Variants in SLCO4C1 observed in about 807,000 individuals in gnomAD.
SLCO4C1 encodes the protein organic anion transporter M1.
SLCO4C1 carries 58 observed loss-of-function variants against 72.1 expected under a neutral mutation model. The observed-to-expected ratio is 0.80, with a 90% CI of 0.65 to 1.00. The LOEUF is 1.00. Ranked by LOEUF, SLCO4C1 falls within the 50% of genes least tolerant of loss-of-function variation. SLCO4C1 has a pLI of 0.00. For synonymous variants in SLCO4C1, 297 were observed against 312.5 expected, an observed-to-expected ratio of 0.95 and a Z score of 0.52; for missense variants, 898 against 857.9, an observed-to-expected ratio of 1.05 and a Z score of -0.58.
At chr5:102,265,708 T>C (rs1749024612) in intron 3 of SLCO4C1, among the ~76,000 whole-genome samples, 5 of 152,180 alleles carry the variant, frequency 3.3e-5, no homozygotes, top group African/African-American at 1.2e-4. Flanking sequence ...TTTTGATTAC[T>C]AAAGCTTTGT....
At chr5:102,284,830 T>G (rs1227435511) in intron 2 of SLCO4C1, among the ~76,000 whole-genome samples, 1 of 152,148 alleles carries the variant, frequency 6.6e-6, no homozygotes. Context: ...GTGCTAAAAT[T>G]TCATTGACAC....
rs1271806667 is a variant in SLCO4C1 at position 102,270,955 on chromosome 5, A to G, written c.620-149T>C. The G allele has an allele frequency of 2.7e-5, 19 of 712,664 alleles. No individual in the cohort carries two copies. The East Asian group carries it at 5.7e-4, about 21-fold the overall frequency. The allele number at this position is 712,664 out of a possible 1,614,324, so 44.1% of individuals were successfully genotyped here. A position where few individuals can be genotyped will look rare whatever the true frequency, so the allele number is the denominator to read the frequency against. On this transcript the variant is annotated intron_variant, in intron 2 of 12. Coordinates refer to ENST00000310954, the MANE Select transcript of SLCO4C1 (RefSeq NM_180991.5). ...ATTTAAACTATTTAAAAATACATCA[A>G]AAGAAAAATACACTTTCTTACCCCA... is the stretch of plus-strand genomic sequence containing the variant.
intron 2 of SLCO4C1, among the ~76,000 whole-genome samples, chr5:102,285,212 T>TACACACACACACACACACACACACACAC (rs3070619): frequency 1.4e-5 from 2 of 147,850 alleles, no homozygotes; most frequent in African/African-American, 5.0e-5. Context: ...TATATATACA[T>TACACACACACACACACACACACACACAC]ACACACACAC....
rs1375030492 is a variant in SLCO4C1, at chr5:102,296,013, C to T, written c.250G>A (p.Glu84Lys). 9.3e-6 allele frequency: 15 copies of T among 1,614,138 alleles called. No individual in the cohort carries two copies. Among genetic ancestry groups the T allele is most frequent in the Non-Finnish European group, 1.3e-5 (15 of 1,180,058 alleles). ...KLRSLSLSEF[E>K]EGSYGWRNFH... ...TTCCTCCAGCCGTAAGACCCCTCCTCAAACTCGGACAGCGACAGTGACCGG... is the reference window on the plus strand; with the variant it reads ...TTCCTCCAGCCGTAAGACCCCTCCTTAAACTCGGACAGCGACAGTGACCGG... The change falls in exon 1 of 13, where the codon GAG becomes AAG. Residue 84 changes from glutamate (E) to lysine (K), a missense_variant. Coordinates refer to ENST00000310954, the MANE Select transcript of SLCO4C1 (RefSeq NM_180991.5).
chr5:102,261,905 T>G lies in SLCO4C1; in HGVS notation c.1021+7A>C, dbSNP rs572392219. 6.2e-7 allele frequency: 1 copy of G among 1,608,518 alleles called. No homozygotes were observed. Among genetic ancestry groups the G allele is most frequent in the African/African-American group, 1.3e-5 (1 of 74,680 alleles). On this transcript the variant is annotated splice_region_variant and intron_variant, in intron 5 of 12. Transcript: ENST00000310954. ...AACCTCTCTGGTTTTAAAGAAAGCA[T>G]GTTTACCTGGTAAATGTTTTGGAAA...
At chr5:102,277,950 G>C (rs1317609153) in intron 2 of SLCO4C1, among the ~76,000 whole-genome samples, 1 of 151,828 alleles carries the variant, frequency 6.6e-6, no homozygotes, top group East Asian at 1.9e-4. Flanking sequence ...AGATAATAGA[G>C]AAACAAAAAA....
intron 10 of SLCO4C1, among the ~76,000 whole-genome samples, chr5:102,244,879 A>C (rs931269605): frequency 6.6e-6 from 1 of 152,218 alleles, no homozygotes; most frequent in African/African-American, 2.4e-5. Flanking sequence ...CTGTCCTATA[A>C]GAAATGCTAA....
intron 2 of SLCO4C1, among the ~76,000 whole-genome samples, chr5:102,283,239 T>C (rs772986072): frequency 6.6e-6 from 1 of 151,940 alleles, no homozygotes; most frequent in Non-Finnish European, 1.5e-5. Context: ...TAATGAGCAC[T>C]CACCACACAC....
intron 5 of SLCO4C1, among the ~76,000 whole-genome samples, chr5:102,260,932 T>C (rs1748930439): frequency 1.3e-5 from 2 of 152,150 alleles, no homozygotes; most frequent in African/African-American, 4.8e-5. Flanking sequence ...TCAGATTGTC[T>C]CTTGCCCATT....
chr5:102,278,986 A>G (rs1187704793), intron 2 of SLCO4C1, among the ~76,000 whole-genome samples: 1 of 151,722 alleles, frequency 6.6e-6, no homozygotes, highest in Non-Finnish European at 1.5e-5. Context: ...GAAGAAAATA[A>G]AGAGCAGAAA....
rs1748425112 is a variant in SLCO4C1, at chr5:102,235,922, A to G, written c.*936T>C. 1 of 152,240 alleles carries G rather than the reference A, an allele frequency of 6.6e-6. No homozygotes were observed. Among genetic ancestry groups the G allele is most frequent in the South Asian group, 2.1e-4 (1 of 4,832 alleles). The allele number at this position is 152,240 out of a possible 1,614,324, so 9.4% of individuals were successfully genotyped here. On this transcript the variant is annotated 3_prime_UTR_variant, in exon 13 of 13. Coordinates refer to ENST00000310954, the MANE Select transcript of SLCO4C1 (RefSeq NM_180991.5). ...TTAATATTCTAATTAAACAATAATA[A>G]TAGATGACTACACTATGCAAGGCAC...
chr5:102,258,102 A>T lies in SLCO4C1; in HGVS notation c.1129-15T>A. The T allele has an allele frequency of 6.5e-7, 1 of 1,530,706 alleles. No homozygotes were observed. The highest frequency in any genetic ancestry group is 1.3e-5 in the South Asian group (1 of 76,510). The allele number at this position is 1,530,706 out of a possible 1,614,324, so 94.8% of individuals were successfully genotyped here. On this transcript the variant is annotated splice_polypyrimidine_tract_variant and intron_variant, in intron 6 of 12. Transcript: ENST00000310954. ...TTCATCAAATTCTAAAGAAAAAAAT[A>T]CAGTTCCTCAAATGAATAGCTATGA...
rs916995001 is a variant in SLCO4C1, at chr5:102,234,643, C to T, written c.*2215G>A. 4 of 151,784 alleles carry T rather than the reference C, an allele frequency of 2.6e-5. No individual in the cohort carries two copies. Among genetic ancestry groups the T allele is most frequent in the African/African-American group, 9.7e-5 (4 of 41,296 alleles). The allele number at this position is 151,784 out of a possible 1,614,324, so 9.4% of individuals were successfully genotyped here. A position where few individuals can be genotyped will look rare whatever the true frequency, so the allele number is the denominator to read the frequency against. ...TTTTTCTTCCTCTAAATTAAGTGGC[C>T]CTAGACTAATATATTTGTTCAGTTA... On this transcript the variant is annotated 3_prime_UTR_variant, in exon 13 of 13. Coordinates refer to ENST00000310954, the MANE Select transcript of SLCO4C1 (RefSeq NM_180991.5).
intron 2 of SLCO4C1, among the ~76,000 whole-genome samples, chr5:102,288,051 C>T (rs1179691495): frequency 6.6e-6 from 1 of 151,998 alleles, no homozygotes; most frequent in Non-Finnish European, 1.5e-5. Flanking sequence ...TTTCATTCAC[C>T]AACAATGGGA....
intron 6 of SLCO4C1, 116 bp from the exon 7 acceptor site, chr5:102,258,203 G>A (rs1748874426): frequency 3.8e-6 from 3 of 781,518 alleles, no homozygotes; most frequent in Admixed American, 7.3e-5. Flanking sequence ...TAAAATTTCA[G>A]CATTTCCTCC....
intron 10 of SLCO4C1, among the ~76,000 whole-genome samples, chr5:102,244,276 A>G (rs1333275314): frequency 6.6e-6 from 1 of 152,206 alleles, no homozygotes; most frequent in Admixed American, 6.5e-5. Context: ...TAGTAGCAGA[A>G]CTGATAAAAC....
At chr5:102,288,684 C>T (rs75633393) in intron 2 of SLCO4C1, among the ~76,000 whole-genome samples, 50 of 152,276 alleles carry the variant, frequency 3.3e-4, no homozygotes, top group African/African-American at 1.2e-3. Flanking sequence ...CTGACCAAAA[C>T]GGACTATTCC....
In SLCO4C1 at chr5:102,288,729, C is replaced by T. The variant is rs114429979; in HGVS notation, c.619+2614G>A. ...CCAAGCCCTCCTCTGCTCCAAAGCC[C>T]TTAACCATATTTTTCTCCAGCCTGG... On this transcript the variant is annotated intron_variant, in intron 2 of 12. Transcript: ENST00000310954. 8.0e-3 allele frequency among the ~76,000 whole-genome samples: 1,226 copies of T among 152,306 alleles called. 12 individuals carry two copies. Among genetic ancestry groups the T allele is most frequent in the Non-Finnish European group, 0.015 (995 of 68,024 alleles).
chr5:102,250,964 G>A (rs1475241604), intron 8 of SLCO4C1, among the ~76,000 whole-genome samples: 1 of 151,918 alleles, frequency 6.6e-6, no homozygotes, highest in Non-Finnish European at 1.5e-5. Flanking sequence ...TCCAGCCTGG[G>A]CAACAGAGTG....
Sources: allele counts gnomAD v4.1 joint callset (sites outside exome capture counted in the v4.1 genomes callset), GRCh38; gene constraint gnomAD v4.1.1; transcripts MANE v1.5; gene names NCBI Gene and HGNC (gene_info 2026-07-23, HGNC 2026-07-21).